Variants in IL31RA observed in about 807,000 individuals in gnomAD.
IL31RA encodes interleukin-31 receptor subunit alpha.
In IL31RA, 66 loss-of-function variants were observed where a neutral mutation model predicts 83.7. The observed-to-expected ratio is 0.79, with a 90% CI of 0.65 to 0.97. The LOEUF (loss-of-function observed/expected upper bound fraction) is 0.97, where lower values mean the gene tolerates loss of function less well. IL31RA is among the 50% of genes least tolerant of loss of function. The pLI is 0.00. For missense variants in IL31RA, 798 were observed against 919.4 expected (o/e 0.87, Z 1.71); for synonymous variants, 325 against 329.0 (o/e 0.99, Z 0.13).
At chr5:55,872,496 A>C in intron 4 of IL31RA, 45 bp downstream of exon 4, 1 of 1,193,882 alleles carries the variant, frequency 8.4e-7, no homozygotes. Flanking sequence ...TTAAATGTTT[A>C]CCTCCTTCTC....
upstream of IL31RA, among the ~76,000 whole-genome samples, chr5:55,849,882 A>G (rs1745012756): frequency 6.6e-6 from 1 of 152,168 alleles, no homozygotes; most frequent in African/African-American, 2.4e-5. Flanking sequence ...TTTTTTCAAT[A>G]ACATCTCGAA....
chr5:55,906,417 C>A, intron 9 of IL31RA, 129 bp downstream of exon 9: 1 of 901,764 alleles, frequency 1.1e-6, no homozygotes, highest in Non-Finnish European at 1.8e-6. Flanking sequence ...CTTGTGCAAG[C>A]TTAATGAAGT....
intron 7 of IL31RA, 41 bp downstream of exon 7, chr5:55,896,470 C>CTTCCCTCCT (rs760140704): frequency 6.0e-6 from 8 of 1,344,378 alleles, no homozygotes; most frequent in African/African-American, 1.5e-5. Context: ...CTTTCTTCCC[C>CTTCCCTCCT]TTCCCTCCTT....
At chr5:55,845,347 G>A in the IL31RA span, among the ~76,000 whole-genome samples, 1 of 152,180 alleles carries the variant, frequency 6.6e-6, no homozygotes, top group East Asian at 1.9e-4. Context: ...TGTGTTAATT[G>A]TGGTACAGGT....
chr5:55,869,112 G>C (rs1238831796), intron 3 of IL31RA, among the ~76,000 whole-genome samples: 2 of 152,212 alleles, frequency 1.3e-5, no homozygotes, highest in Admixed American at 6.5e-5. Flanking sequence ...CCTCCTCCTG[G>C]ATTCCCCATT....
chr5:55,906,397 AT>A (rs1392290885), intron 9 of IL31RA, 109 bp downstream of exon 9: 1 of 1,039,056 alleles, frequency 9.6e-7, no homozygotes, highest in East Asian at 2.5e-5. Context: ...GGTTAATAGC[AT>A]TTGTCAAGCT....
intron 2 of IL31RA, among the ~76,000 whole-genome samples, chr5:55,864,498 TACTACACACACCAC>T (rs919153882): frequency 1.4e-5 from 2 of 138,406 alleles, no homozygotes; most frequent in African/African-American, 5.5e-5. Flanking sequence ...ATCATAATCA[TACTACACACACCAC>T]ACTACACACA....
rs185917439 is a variant in IL31RA, at chr5:55,908,724, C to T, written c.1501+313C>T. ...CCCCGACCATCATTCCCAGGAATGG[C>T]GTGCCTGGCTTAAAGAGTGAGGAGG... On this transcript the variant is annotated intron_variant, in intron 11 of 14. Coordinates refer to ENST00000652347, the MANE Select transcript of IL31RA (RefSeq NM_139017.7). The T allele has an allele frequency of 2.9e-4, 417 of 1,452,926 alleles. No individual in the cohort carries two copies. In the African/African-American group the frequency reaches 5.3e-3, roughly 18 times the overall value. 90.0% of individuals were successfully genotyped at this position (1,452,926 alleles called of 1,614,324 possible). A position where few individuals can be genotyped will look rare whatever the true frequency, so the allele number is the denominator to read the frequency against.
At chr5:55,908,779 C>A (rs1350009037) in intron 11 of IL31RA, 3 of 1,411,052 alleles carry the variant, frequency 2.1e-6, no homozygotes, top group Non-Finnish European at 2.8e-6. Context: ...ACTTCTACTG[C>A]CCCTGCCAAA....
chr5:55,908,966 G>A, intron 11 of IL31RA: 1 of 896,094 alleles, frequency 1.1e-6, no homozygotes, highest in East Asian at 6.2e-5. Flanking sequence ...TCACAATATT[G>A]TGCAACCATC....
chr5:55,908,894 A>G, intron 11 of IL31RA: 2 of 1,295,064 alleles, frequency 1.5e-6, no homozygotes, highest in East Asian at 3.1e-5. Context: ...GGTAAAATAC[A>G]CGTAAAATAT....
intron 4 of IL31RA, among the ~76,000 whole-genome samples, chr5:55,881,624 A>T (rs1747236152): frequency 6.8e-6 from 1 of 147,822 alleles, no homozygotes; most frequent in South Asian, 2.1e-4. Flanking sequence ...TCCCTTTTCC[A>T]TTGGAATGCC....
At position 55,851,630 on chromosome 5, in the gene IL31RA, C is replaced by T. The variant is rs1561532294; in HGVS notation, c.60C>T (p.Asn20=). The T allele has an allele frequency of 5.0e-6, 8 of 1,613,842 alleles. No homozygotes were observed. Among genetic ancestry groups the T allele is most frequent in the Non-Finnish European group, 6.8e-6 (8 of 1,179,834 alleles). The stretch of plus-strand genomic sequence containing the variant: ...CATGTGTCTGTGAATGTCCGCAAAA[C>T]ATTGTGAGTATTGATTTGGGGGGTT... ...TTACVCECPQ[N]ILSPQPSCVN... The change falls in exon 1 of 15, where the codon AAC becomes AAT. Residue 20 remains asparagine (N), a synonymous_variant. Coordinates refer to ENST00000652347, the MANE Select transcript of IL31RA (RefSeq NM_139017.7).
intron 6 of IL31RA, 22 bp downstream of exon 6, chr5:55,890,157 C>G: frequency 1.2e-6 from 2 of 1,611,956 alleles, no homozygotes; most frequent in Non-Finnish European, 1.7e-6. Context: ...CCTGCGATTC[C>G]CGTCCTGTCT....
At chr5:55,855,633 A>C (rs2112277900) in intron 1 of IL31RA, among the ~76,000 whole-genome samples, 1 of 152,206 alleles carries the variant, frequency 6.6e-6, no homozygotes, top group East Asian at 1.9e-4. Flanking sequence ...TTTATGGGGG[A>C]TTGCGTGGGA....
At chr5:55,849,813 G>A (rs1428369303), upstream of IL31RA, among the ~76,000 whole-genome samples, 1 of 152,074 alleles carries the variant, frequency 6.6e-6, no homozygotes, top group Non-Finnish European at 1.5e-5. Flanking sequence ...GAAATTTGCT[G>A]TTTTTGGGAG....
At chr5:55,914,555 A>G (rs994756344) in intron 13 of IL31RA, among the ~76,000 whole-genome samples, 2 of 152,152 alleles carry the variant, frequency 1.3e-5, no homozygotes, top group African/African-American at 2.4e-5. Context: ...GTGATGGTGC[A>G]ATTTACAGCA....
chr5:55,865,381 G>A (rs908377570), intron 2 of IL31RA, among the ~76,000 whole-genome samples: 1 of 152,120 alleles, frequency 6.6e-6, no homozygotes, highest in African/African-American at 2.4e-5. Flanking sequence ...TGGAGAGAGC[G>A]AGAAAAGTTG....
chr5:55,913,394 C>A, intron 12 of IL31RA, 83 bp from the exon 13 acceptor site: 1 of 859,584 alleles, frequency 1.2e-6, no homozygotes, highest in South Asian at 1.4e-5. Context: ...GTTGCTGAAG[C>A]TACTAGAAGA....
Sources: allele counts gnomAD v4.1 joint callset (sites outside exome capture counted in the v4.1 genomes callset), GRCh38; gene constraint gnomAD v4.1.1; transcripts MANE v1.5; gene names NCBI Gene and HGNC (gene_info 2026-07-23, HGNC 2026-07-21).